The following TRIP11 variants were observed in gnomAD, a reference collection of about 807,000 sequenced individuals.
TRIP11 encodes the protein thyroid hormone receptor interactor 11.
TRIP11 carries 148 observed loss-of-function variants against 223.1 expected under a neutral mutation model. The observed-to-expected ratio is 0.66, with a 90% CI of 0.58 to 0.76. The LOEUF (loss-of-function observed/expected upper bound fraction) is 0.76. Ranked by LOEUF, TRIP11 falls within the 30% of genes least tolerant of loss-of-function variation. TRIP11 has a pLI of 0.00. For missense variants in TRIP11, 2,043 were observed against 2,222.0 expected (o/e 0.92, Z 1.62); for synonymous variants, 762 against 772.6 (o/e 0.99, Z 0.23).
intron 12 of TRIP11, 83 bp downstream of exon 12, chr14:91,999,885 T>C: frequency 6.4e-7 from 1 of 1,564,834 alleles, no homozygotes. Flanking sequence ...GAGAAATTCA[T>C]TTTCACTGAT....
chr14:92,018,428 AG>A (rs756829607), intron 4 of TRIP11, among the ~76,000 whole-genome samples: 49 of 152,148 alleles, frequency 3.2e-4, no homozygotes, highest in Non-Finnish European at 5.4e-4. Context: ...TACCCAATAG[AG>A]AATAATCTTT....
intron 4 of TRIP11, 54 bp downstream of exon 4, chr14:92,021,502 T>C: frequency 6.3e-7 from 1 of 1,581,298 alleles, no homozygotes; most frequent in Non-Finnish European, 8.7e-7. Flanking sequence ...TTTTTTATAT[T>C]ACACCAGTAA....
chr14:92,005,698 C>A lies in TRIP11; in HGVS notation c.2278G>T (p.Glu760Ter), dbSNP rs143508166. ...RNLNTSALQL[E>*]HEHLIKLNQK... ...TTGAGTTTAATTAAATGCTCATGTT[C>A]CAGCTGTAAGGCAGAGGTATTCAAA... The change falls in exon 11 of 21, where the codon GAA becomes TAA. Residue 760 changes from glutamate to a stop codon, truncating the protein, a stop_gained. Coordinates refer to ENST00000267622, the MANE Select transcript of TRIP11 (RefSeq NM_004239.4). LOFTEE classifies it high-confidence loss of function. 1.2e-6 allele frequency: 2 copies of A among 1,613,688 alleles called. No individual in the cohort carries two copies. The highest frequency in any genetic ancestry group is 2.7e-5 in the African/African-American group (2 of 74,906).
rs565456323 is a variant in TRIP11 at position 91,971,504 on chromosome 14, G to GGGGAAAGGT, written c.5719+1204_5719+1212dup. Among the ~76,000 whole-genome samples the GGGGAAAGGT allele has an allele frequency of 3.8e-3, 578 of 151,866 alleles. 6 individuals carry two copies. The highest frequency in any genetic ancestry group is 0.013 in the African/African-American group (541 of 41,364). ...TGGGCACTGGACTTGATACAAGAAA[G>GGGGAAAGGT]GGGAAAGGTAGGAAAGAGGAAGAAA... On this transcript the variant is annotated intron_variant, in intron 20 of 20. Coordinates refer to ENST00000267622, the MANE Select transcript of TRIP11 (RefSeq NM_004239.4).
intron 16 of TRIP11, among the ~76,000 whole-genome samples, chr14:91,984,804 T>C (rs2056585314): frequency 6.6e-6 from 1 of 152,204 alleles, no homozygotes; most frequent in Non-Finnish European, 1.5e-5. Flanking sequence ...GAGTAGTTAA[T>C]GAAAACCACT....
chr14:91,968,949 C>T lies in TRIP11; in HGVS notation c.*724G>A. The T allele has an allele frequency of 4.4e-6, 1 of 229,666 alleles. No individual in the cohort carries two copies. The highest frequency in any genetic ancestry group is 2.2e-5 in the African/African-American group (1 of 45,202). The allele number at this position is 229,666 out of a possible 1,614,324, so 14.2% of individuals were successfully genotyped here. A position where few individuals can be genotyped will look rare whatever the true frequency, so the allele number is the denominator to read the frequency against. ...CGTGTCTTGCCTGTGGTGGTAGTCA[C>T]ATGAATTTACACACAGGGCCAGGCG... On this transcript the variant is annotated 3_prime_UTR_variant, in exon 21 of 21. Coordinates refer to ENST00000267622, the MANE Select transcript of TRIP11 (RefSeq NM_004239.4).
intron 16 of TRIP11, among the ~76,000 whole-genome samples, chr14:91,986,377 C>T (rs60025719): frequency 0.013 from 2,012 of 152,276 alleles, 30 homozygotes; most frequent in African/African-American, 0.045. Flanking sequence ...TATAGTACTA[C>T]TGGCTGAGCA....
intron 8 of TRIP11, among the ~76,000 whole-genome samples, chr14:92,011,315 CCCCGTCTCTA>C (rs1405657555): frequency 5.9e-5 from 9 of 151,508 alleles, no homozygotes; most frequent in Non-Finnish European, 1.3e-4. Context: ...CACAGTGAAA[CCCCGTCTCTA>C]CTAAAAATAC....
chr14:92,024,679 A>G (rs10138399), intron 3 of TRIP11, among the ~76,000 whole-genome samples: 2,992 of 152,284 alleles, frequency 0.02, 100 homozygotes, highest in African/African-American at 0.066. Context: ...AAACATCCAA[A>G]TGATCTGGAC....
chr14:92,015,799 C>T lies in TRIP11; in HGVS notation c.720G>A (p.Gln240=), dbSNP rs747592949. ...DDHQHEMSVL[Q]NAHQQKLTEI... is the part of the protein sequence containing the mutation. ...CTGTCAATTTCTGTTGGTGTGCATT[C>T]TGCAGTACTGACATTTCATGTTGAT... is the stretch of plus-strand genomic sequence containing the variant. Residue 240 remains glutamine (Q), a synonymous_variant, in exon 6 of 21, where the codon CAG becomes CAA. Coordinates refer to ENST00000267622, the MANE Select transcript of TRIP11 (RefSeq NM_004239.4). 1.9e-6 allele frequency: 3 copies of T among 1,613,426 alleles called. No individual in the cohort carries two copies. In the South Asian group the frequency reaches 3.3e-5, roughly 18 times the overall value.
chr14:92,011,656 CTT>C (rs2056975099), intron 8 of TRIP11, 97 bp downstream of exon 8: 4 of 931,002 alleles, frequency 4.3e-6, no homozygotes, highest in Middle Eastern at 2.1e-4. Flanking sequence ...AGAAACAACT[CTT>C]TGAATCTCTT....
Position 91,967,003 on chromosome 14 carries a change from G to A in TRIP11, c.*2670C>T, listed in dbSNP as rs991582830. ...GTTACTAAGACGGTTCAGTGAGCAGGTGGTTCATCTCTGACACAACTAAGT... is the reference window on the plus strand; with the variant it reads ...GTTACTAAGACGGTTCAGTGAGCAGATGGTTCATCTCTGACACAACTAAGT... On this transcript the variant is annotated 3_prime_UTR_variant, in exon 21 of 21. Transcript: ENST00000267622. The A allele has an allele frequency of 1.5e-5, 3 of 202,578 alleles. No homozygotes were observed. Among genetic ancestry groups the A allele is most frequent in the African/African-American group, 6.9e-5 (3 of 43,556 alleles). 12.5% of individuals were successfully genotyped at this position (202,578 alleles called of 1,614,324 possible).
At chr14:91,999,877 G>GA in intron 12 of TRIP11, 91 bp downstream of exon 12, 1 of 1,542,652 alleles carries the variant, frequency 6.5e-7, no homozygotes, top group Non-Finnish European at 8.9e-7. Context: ...ACCTAACAGA[G>GA]AAATTCATTT....
At position 91,969,664 on chromosome 14, in the gene TRIP11, G is replaced by A. The variant is rs373269085; in HGVS notation, c.*9C>T. The A allele has an allele frequency of 1.8e-5, 29 of 1,611,236 alleles. No homozygotes were observed. In the African/African-American group the frequency reaches 3.1e-4, roughly 17 times the overall value. On this transcript the variant is annotated 3_prime_UTR_variant, in exon 21 of 21. Transcript: ENST00000267622. ...TAAAGTGCTAGATTGTCTCTGGCTTGAGAATCATCTATTGCTTTAAAAGGT... is the reference window on the plus strand; with the variant it reads ...TAAAGTGCTAGATTGTCTCTGGCTTAAGAATCATCTATTGCTTTAAAAGGT...
intron 11 of TRIP11, 110 bp downstream of exon 11, chr14:92,003,309 C>A: frequency 7.0e-7 from 1 of 1,426,752 alleles, no homozygotes. Context: ...ATAAATATTT[C>A]TAAATGAACA....
At chr14:92,012,278 T>G (rs1183136475) in intron 7 of TRIP11, among the ~76,000 whole-genome samples, 4 of 152,200 alleles carry the variant, frequency 2.6e-5, no homozygotes, top group African/African-American at 9.6e-5. Context: ...AATTTGGTAT[T>G]ATAGATAGAT....
intron 14 of TRIP11, 95 bp from the exon 15 acceptor site, chr14:91,994,007 G>A: frequency 1.1e-6 from 1 of 904,878 alleles, no homozygotes; most frequent in Non-Finnish European, 1.8e-6. Flanking sequence ...AACGAAAACA[G>A]TTCAAATGTC....
In TRIP11 at chr14:92,021,705, C is replaced by G; in HGVS notation, c.439G>C (p.Ala147Pro). 1 of 1,614,088 alleles carries G rather than the reference C, an allele frequency of 6.2e-7. No homozygotes were observed. The highest frequency in any genetic ancestry group is 8.5e-7 in the Non-Finnish European group (1 of 1,180,016). The change falls in exon 4 of 21, where the codon GCT (alanine) becomes CCT (proline). Residue 147 changes from alanine to proline, a missense_variant. Physicochemically the swap from Ala to Pro is conservative, Grantham distance 27 (BLOSUM62 -1). Coordinates refer to ENST00000267622, the MANE Select transcript of TRIP11 (RefSeq NM_004239.4). The stretch of plus-strand genomic sequence containing the variant: ...GAAGGATGATGACTAATCCCATAAG[C>G]GAATGAAGATGATGCAGTGGTTGCT... The part of the protein sequence containing the change: ...VPATTASSSF[A>P]YGISHHPSAF...
chr14:92,005,794 C>A lies in TRIP11; in HGVS notation c.2182G>T (p.Ala728Ser). 2 of 1,614,076 alleles carry A rather than the reference C, an allele frequency of 1.2e-6. No homozygotes were observed. Among genetic ancestry groups the A allele is most frequent in the Non-Finnish European group, 1.7e-6 (2 of 1,180,028 alleles). Residue 728 changes from alanine to serine, a missense_variant, in exon 11 of 21, where the codon GCT (alanine) becomes TCT (serine). By Grantham distance (99) the Ala-to-Ser change is moderately conservative (BLOSUM62 1). Transcript: ENST00000267622. ...KGEIEAELCW[A>S]KKRLLEEANK... Reference sequence around the variant, plus strand: ...GCTTCTTCCAACAGCCTCTTTTTAGCCCAACACAATTCTGCCTCTATCTCT... The same window carrying A: ...GCTTCTTCCAACAGCCTCTTTTTAGACCAACACAATTCTGCCTCTATCTCT...
Sources: allele counts gnomAD v4.1 joint callset (sites outside exome capture counted in the v4.1 genomes callset), GRCh38; gene constraint gnomAD v4.1.1; transcripts MANE v1.5; gene names NCBI Gene and HGNC (gene_info 2026-07-23, HGNC 2026-07-21).